CNTNAP5: variants seen among roughly 807,000 people sequenced by gnomAD.
The protein encoded by CNTNAP5 is contactin associated protein family member 5, also known as contactin-associated protein-like 5.
In CNTNAP5, 72 loss-of-function variants were observed where a neutral mutation model predicts 150.2. The ratio of observed to expected loss-of-function variants is 0.48; its 90% CI spans 0.40 to 0.58. The LOEUF (loss-of-function observed/expected upper bound fraction) is 0.58. CNTNAP5 is among the 20% of genes least tolerant of loss of function. The pLI, the probability that CNTNAP5 is intolerant of heterozygous loss-of-function variation, is 0.00. For synonymous variants in CNTNAP5, 672 were observed against 619.8 expected (o/e 1.08, Z -1.25); for missense variants, 1,636 against 1,626.2 (o/e 1.01, Z -0.10).
chr2:124,298,137 C>T (rs1300297426), intron 3 of CNTNAP5, among the ~76,000 whole-genome samples: 2 of 152,058 alleles, frequency 1.3e-5, no homozygotes, highest in African/African-American at 2.4e-5. Context: ...TCCCTTCTTC[C>T]TTTTTTCTTA....
At chr2:124,368,383 T>G (rs970463482) in intron 3 of CNTNAP5, among the ~76,000 whole-genome samples, 1 of 152,132 alleles carries the variant, frequency 6.6e-6, no homozygotes, top group Non-Finnish European at 1.5e-5. Context: ...TATTCAGATG[T>G]GCTGCTCGGA....
At position 124,914,852 on chromosome 2, in the gene CNTNAP5, C is replaced by G. The variant is rs1352643553; in HGVS notation, c.*564C>G. The stretch of plus-strand genomic sequence containing the variant: ...AGCAATCCCTTGCCTTAACTCATCA[C>G]CCTTTTTCACTATGACCCTTAGACC... On this transcript the variant is annotated 3_prime_UTR_variant, in exon 24 of 24. Transcript: ENST00000682447. The G allele has an allele frequency of 6.6e-6, 1 of 152,144 alleles. No homozygotes were observed. Among genetic ancestry groups the G allele is most frequent in the East Asian group, 1.9e-4 (1 of 5,148 alleles). 9.4% of individuals were successfully genotyped at this position (152,144 alleles called of 1,614,324 possible).
At chr2:124,395,506 CT>C (rs1181236531) in intron 3 of CNTNAP5, among the ~76,000 whole-genome samples, 1 of 151,946 alleles carries the variant, frequency 6.6e-6, no homozygotes, top group Non-Finnish European at 1.5e-5. Context: ...TGCTCTCCTG[CT>C]TGGAAAATTA....
At chr2:124,360,867 T>C (rs925269411) in intron 3 of CNTNAP5, among the ~76,000 whole-genome samples, 3 of 137,718 alleles carry the variant, frequency 2.2e-5, no homozygotes, top group African/African-American at 5.6e-5. Context: ...CCTTGCTAGA[T>C]TGGGGAAGTT....
intron 13 of CNTNAP5, among the ~76,000 whole-genome samples, chr2:124,685,251 TAAAGA>T (rs1462753213): frequency 4.6e-5 from 7 of 152,148 alleles, no homozygotes; most frequent in African/African-American, 1.7e-4. Context: ...TCATATAAAT[TAAAGA>T]AGACACATTA....
At chr2:124,080,338 G>C (rs1682531635) in intron 1 of CNTNAP5, among the ~76,000 whole-genome samples, 1 of 152,134 alleles carries the variant, frequency 6.6e-6, no homozygotes, top group African/African-American at 2.4e-5. Flanking sequence ...GAGGATAAAT[G>C]AACTGTATAA....
rs555973643 is a variant in CNTNAP5 at position 124,576,439 on chromosome 2, A to G, written c.1756+13116A>G. ...TATTTCATTACTGCATGTTTACTAA[A>G]TGGGCATTCAATGGAATAACTGTTA... On this transcript the variant is annotated intron_variant, in intron 11 of 23. Transcript: ENST00000682447. Among the ~76,000 whole-genome samples the G allele has an allele frequency of 2.0e-5, 3 of 152,282 alleles. No homozygotes were observed. The South Asian group carries it at 6.2e-4, about 32-fold the overall frequency.
At chr2:124,720,510 C>G (rs188818175) in intron 13 of CNTNAP5, among the ~76,000 whole-genome samples, 31 of 152,092 alleles carry the variant, frequency 2.0e-4, no homozygotes, top group African/African-American at 7.5e-4. Context: ...CAAAAAGAAC[C>G]TTCTTTGCAT....
At chr2:124,310,453 C>T (rs935937898) in intron 3 of CNTNAP5, among the ~76,000 whole-genome samples, 6 of 152,066 alleles carry the variant, frequency 3.9e-5, no homozygotes, top group Non-Finnish European at 5.9e-5. Context: ...AAGGAAAGGT[C>T]GGGATTGGCT....
At position 124,316,635 on chromosome 2, in the gene CNTNAP5, C is replaced by T. The variant is rs145052972; in HGVS notation, c.381+74242C>T. Among the ~76,000 whole-genome samples the T allele has an allele frequency of 6.7e-3, 1,015 of 151,470 alleles. 8 individuals carry two copies. The highest frequency in any genetic ancestry group is 0.03 in the East Asian group (152 of 5,114). On this transcript the variant is annotated intron_variant, in intron 3 of 23. Coordinates refer to ENST00000682447, the MANE Select transcript of CNTNAP5 (RefSeq NM_001367498.1). Reference sequence around the variant, plus strand: ...CCTGGCTAACACTGTGAAAACCCGTCTCTACTAAAAATACAAAAAATTAGC... The same window carrying T: ...CCTGGCTAACACTGTGAAAACCCGTTTCTACTAAAAATACAAAAAATTAGC...
intron 1 of CNTNAP5, among the ~76,000 whole-genome samples, chr2:124,105,623 G>T (rs569670253): frequency 6.6e-6 from 1 of 151,978 alleles, no homozygotes; most frequent in South Asian, 2.1e-4. Context: ...AACTGTTATT[G>T]TTCATTGTTG....
At position 124,447,700 on chromosome 2, in the gene CNTNAP5, T is replaced by C. The variant is rs552685688; in HGVS notation, c.918+763T>C. Among the ~76,000 whole-genome samples, 6 of 152,310 alleles carry C rather than the reference T, an allele frequency of 3.9e-5. No individual in the cohort carries two copies. In the South Asian group the frequency reaches 1.2e-3, roughly 32 times the overall value. On this transcript the variant is annotated intron_variant, in intron 6 of 23. Coordinates refer to ENST00000682447, the MANE Select transcript of CNTNAP5 (RefSeq NM_001367498.1). ...GAGAAATTTTATATTTATATAATTA[T>C]GTATTTATATAGGAAACAGGGCACT...
At chr2:124,767,992 T>C (rs1681102492) in intron 16 of CNTNAP5, among the ~76,000 whole-genome samples, 1 of 152,154 alleles carries the variant, frequency 6.6e-6, no homozygotes, top group Non-Finnish European at 1.5e-5. Flanking sequence ...TGTGTGTGAC[T>C]GGGAACGTAT....
intron 3 of CNTNAP5, among the ~76,000 whole-genome samples, chr2:124,330,409 T>C (rs1184376593): frequency 6.6e-6 from 1 of 152,174 alleles, no homozygotes; most frequent in Admixed American, 6.5e-5. Flanking sequence ...TCATCTTGAA[T>C]TGTAATCCCC....
intron 17 of CNTNAP5, among the ~76,000 whole-genome samples, chr2:124,781,614 G>A (rs886270181): frequency 6.6e-6 from 1 of 152,084 alleles, no homozygotes; most frequent in Non-Finnish European, 1.5e-5. Context: ...GCCTAAGACT[G>A]ACCATCCTTC....
intron 1 of CNTNAP5, among the ~76,000 whole-genome samples, chr2:124,186,921 A>T (rs1306651901): frequency 2.6e-5 from 4 of 152,226 alleles, no homozygotes; most frequent in Non-Finnish European, 4.4e-5. Flanking sequence ...CCTGGGTCTT[A>T]CATCCTTCTT....
intron 1 of CNTNAP5, among the ~76,000 whole-genome samples, chr2:124,053,787 A>AG (rs1235149993): frequency 6.6e-6 from 1 of 152,124 alleles, no homozygotes; most frequent in Non-Finnish European, 1.5e-5. Context: ...TTGCATTACT[A>AG]GGAGATTTGG....
intron 13 of CNTNAP5, among the ~76,000 whole-genome samples, chr2:124,674,509 C>CTTTCTT (rs1553430171): frequency 0.057 from 6,621 of 115,176 alleles, 319 homozygotes; most frequent in Non-Finnish European, 0.073. Context: ...TTCTTTCTTT[C>CTTTCTT]TCTTTCTTTC....
chr2:124,462,842 G>T (rs1485859102), intron 6 of CNTNAP5, among the ~76,000 whole-genome samples: 4 of 152,176 alleles, frequency 2.6e-5, no homozygotes, highest in Non-Finnish European at 5.9e-5. Flanking sequence ...TTGACAGATA[G>T]ACATCCATTC....
Sources: allele counts gnomAD v4.1 joint callset (sites outside exome capture counted in the v4.1 genomes callset), GRCh38; gene constraint gnomAD v4.1.1; transcripts MANE v1.5; gene names NCBI Gene and HGNC (gene_info 2026-07-23, HGNC 2026-07-21).